Variants in EMID1 observed in about 807,000 individuals in gnomAD.
EMID1 encodes EMI domain-containing protein 1.
A neutral mutation model predicts 60.6 loss-of-function variants in EMID1; 40 were observed. The observed-to-expected ratio is 0.66, with a 90% CI of 0.51 to 0.86. The LOEUF (loss-of-function observed/expected upper bound fraction) is 0.86. Ranked by LOEUF, EMID1 falls within the 40% of genes least tolerant of loss-of-function variation. The probability of loss-of-function intolerance (pLI) is 0.00; values close to 1 mark genes in which losing one functional copy is unlikely to be tolerated. For synonymous variants in EMID1, 242 were observed against 231.0 expected (o/e 1.05, Z -0.43); for missense variants, 585 against 597.1 (o/e 0.98, Z 0.21).
intron 5 of EMID1, among the ~76,000 whole-genome samples, chr22:29,228,735 C>T (rs1469493951): frequency 2.0e-5 from 3 of 152,258 alleles, no homozygotes; most frequent in East Asian, 1.9e-4. Context: ...GCTGGCATTA[C>T]GGACATGTGC....
chr22:29,239,675 GAACT>G lies in EMID1; in HGVS notation c.1075-3769_1075-3766del, dbSNP rs2041083837. Among the ~76,000 whole-genome samples the G allele has an allele frequency of 3.3e-5, 5 of 152,138 alleles. No homozygotes were observed. The South Asian group carries it at 1.0e-3, about 32-fold the overall frequency. The stretch of plus-strand genomic sequence containing the variant: ...GGTAGACATAATGTACTGTGCAAAA[GAACT>G]GCAGTAGATAGGCCTTTAGTAATGT... On this transcript the variant is annotated intron_variant, in intron 12 of 14. Transcript: ENST00000334018.
chr22:29,228,041 A>G (rs1428659243), intron 5 of EMID1, among the ~76,000 whole-genome samples: 1 of 152,022 alleles, frequency 6.6e-6, no homozygotes, highest in African/African-American at 2.4e-5. Context: ...CTGTAATCCC[A>G]GCTACTCGGG....
At chr22:29,207,287 C>CAA (rs1469127343) in intron 1 of EMID1, among the ~76,000 whole-genome samples, 2 of 152,322 alleles carry the variant, frequency 1.3e-5, no homozygotes, top group East Asian at 1.9e-4. Context: ...CAGCCACCAC[C>CAA]TATTGTGTGC....
intron 14 of EMID1, among the ~76,000 whole-genome samples, chr22:29,258,223 G>GA (rs570701942): frequency 1.5e-3 from 235 of 152,318 alleles, no homozygotes; most frequent in African/African-American, 5.4e-3. Flanking sequence ...GATAGGCACA[G>GA]AAGGCTTCCT....
intron 3 of EMID1, among the ~76,000 whole-genome samples, chr22:29,224,737 G>C (rs2040435231): frequency 6.6e-6 from 1 of 152,240 alleles, no homozygotes; most frequent in Non-Finnish European, 1.5e-5. Context: ...CAGCCTGGGA[G>C]GTTTAGAGGC....
chr22:29,208,369 G>A (rs931105263), intron 1 of EMID1, among the ~76,000 whole-genome samples: 2 of 152,200 alleles, frequency 1.3e-5, no homozygotes, highest in African/African-American at 4.8e-5. Context: ...CCCGGAACCA[G>A]GGTGCCCAAG....
chr22:29,229,472 C>T (rs574981952), intron 5 of EMID1, among the ~76,000 whole-genome samples: 15 of 152,004 alleles, frequency 9.9e-5, no homozygotes, highest in Non-Finnish European at 1.8e-4. Flanking sequence ...GGAGAAACCC[C>T]ATCTCTACTA....
chr22:29,215,164 G>A (rs1395008016), intron 2 of EMID1, 125 bp downstream of exon 2: 2 of 1,424,190 alleles, frequency 1.4e-6, no homozygotes, highest in Non-Finnish European at 1.8e-6. Flanking sequence ...CGGAGCAAAG[G>A]TAGCATCAGC....
At chr22:29,206,924 T>C (rs1418380182) in intron 1 of EMID1, among the ~76,000 whole-genome samples, 1 of 152,240 alleles carries the variant, frequency 6.6e-6, no homozygotes, top group Non-Finnish European at 1.5e-5. Context: ...TCTGCCCTTC[T>C]ATCCTTGATG....
At chr22:29,241,144 CTACACTGAGCCT>C (rs1415725978) in intron 12 of EMID1, among the ~76,000 whole-genome samples, 6 of 152,142 alleles carry the variant, frequency 3.9e-5, no homozygotes, top group African/African-American at 1.2e-4. Context: ...TAAGACTGGT[CTACACTGAGCCT>C]CCAGAAGTTC....
chr22:29,225,093 G>C (rs757258476), intron 3 of EMID1, 40 bp from the exon 4 acceptor site: 4 of 1,608,196 alleles, frequency 2.5e-6, no homozygotes, highest in Non-Finnish European at 3.4e-6. Context: ...GAGGAGGCAA[G>C]GATCACATGC....
chr22:29,232,266 C>A lies in EMID1; in HGVS notation c.687C>A (p.Gly229=). The A allele has an allele frequency of 6.2e-7, 1 of 1,611,610 alleles. No homozygotes were observed. Among genetic ancestry groups the A allele is most frequent in the Non-Finnish European group, 8.5e-7 (1 of 1,179,796 alleles). The change falls in exon 8 of 15, where the codon GGC becomes GGA. Residue 229 remains glycine (G), a synonymous_variant. Transcript: ENST00000334018. ...GTGATTCCATTGCAGGTCCACAGGGCCCCCCAGGGAGCCCTGGCCGGGCTG... is the reference window on the plus strand; with the variant it reads ...GTGATTCCATTGCAGGTCCACAGGGACCCCCAGGGAGCCCTGGCCGGGCTG... ...MGMRGPPGPQ[G]PPGSPGRAGA...
chr22:29,250,063 G>A (rs189408701), intron 13 of EMID1, among the ~76,000 whole-genome samples: 4 of 152,276 alleles, frequency 2.6e-5, no homozygotes, highest in Admixed American at 2.6e-4. Flanking sequence ...GCAACATAGG[G>A]AGACACCTGT....
chr22:29,232,191 G>A (rs959201231), intron 7 of EMID1, 65 bp from the exon 8 acceptor site: 23 of 1,603,462 alleles, frequency 1.4e-5, no homozygotes, highest in South Asian at 4.4e-5. Flanking sequence ...TTGTCCTGTC[G>A]CTCAAGGCCA....
chr22:29,254,349 C>G, intron 14 of EMID1, 62 bp downstream of exon 14: 2 of 1,510,326 alleles, frequency 1.3e-6, no homozygotes. Flanking sequence ...TTCCCCAAGC[C>G]CTCCTGGGGT....
At chr22:29,230,203 C>T (rs1253973624) in intron 5 of EMID1, among the ~76,000 whole-genome samples, 1 of 152,076 alleles carries the variant, frequency 6.6e-6, no homozygotes, top group Non-Finnish European at 1.5e-5. Context: ...TGTGGTGGCG[C>T]ATGACTGTAA....
At chr22:29,211,219 T>C (rs1264789271) in intron 1 of EMID1, among the ~76,000 whole-genome samples, 1 of 152,180 alleles carries the variant, frequency 6.6e-6, no homozygotes, top group East Asian at 1.9e-4. Context: ...ACAGAGCCGA[T>C]GAGTGTGTGT....
intron 13 of EMID1, among the ~76,000 whole-genome samples, chr22:29,246,817 A>T (rs2146402869): frequency 6.6e-6 from 1 of 152,090 alleles, no homozygotes; most frequent in South Asian, 2.1e-4. Flanking sequence ...TTTCTTTTTA[A>T]TTTTATGTTT....
intron 3 of EMID1, among the ~76,000 whole-genome samples, chr22:29,223,579 C>A (rs2040384721): frequency 1.3e-5 from 2 of 152,224 alleles, no homozygotes; most frequent in South Asian, 4.1e-4. Context: ...AAATCTGGCC[C>A]TGGAATCAGG....
Sources: allele counts gnomAD v4.1 joint callset (sites outside exome capture counted in the v4.1 genomes callset), GRCh38; gene constraint gnomAD v4.1.1; transcripts MANE v1.5; gene names NCBI Gene and HGNC (gene_info 2026-07-23, HGNC 2026-07-21).